The following RBMS3 variants were observed in gnomAD, a reference collection of about 807,000 sequenced individuals.
The protein encoded by RBMS3 is RNA binding motif single stranded interacting protein 3, also known as RNA-binding motif, single-stranded-interacting protein 3.
In RBMS3, 27 loss-of-function variants were observed where a neutral mutation model predicts 66.8. The observed-to-expected ratio is 0.40, with a 90% confidence interval of 0.30 to 0.56. RBMS3 has a LOEUF of 0.56. RBMS3 is among the 20% of genes least tolerant of loss of function. The probability of loss-of-function intolerance (pLI) is 0.40; values close to 1 mark genes in which losing one functional copy is unlikely to be tolerated. For synonymous variants in RBMS3, 188 were observed against 183.0 expected (o/e 1.03, Z -0.22); for missense variants, 513 against 549.5 (o/e 0.93, Z 0.66).
At chr3:29,596,958 A>G (rs1223268911) in intron 4 of RBMS3, among the ~76,000 whole-genome samples, 1 of 152,186 alleles carries the variant, frequency 6.6e-6, no homozygotes, top group East Asian at 1.9e-4. Flanking sequence ...TATCCTAATG[A>G]ATTATTCAGA....
intron 4 of RBMS3, among the ~76,000 whole-genome samples, chr3:29,668,506 A>G (rs1011081369): frequency 1.3e-5 from 2 of 151,662 alleles, no homozygotes; most frequent in African/African-American, 2.4e-5. Flanking sequence ...CAAATCTAGA[A>G]GCCAAGAAAA....
chr3:29,703,180 C>A (rs1037629145), intron 4 of RBMS3, among the ~76,000 whole-genome samples: 9 of 152,158 alleles, frequency 5.9e-5, no homozygotes, highest in Non-Finnish European at 1.2e-4. Context: ...ATTTCCGAAG[C>A]CATAGAACTA....
intron 6 of RBMS3, among the ~76,000 whole-genome samples, chr3:29,778,473 C>T (rs533524580): frequency 2.0e-4 from 30 of 151,086 alleles, no homozygotes; most frequent in Non-Finnish European, 3.3e-4. Context: ...TTACTATGTG[C>T]CAAATGTTGT....
intron 1 of RBMS3, among the ~76,000 whole-genome samples, chr3:29,373,756 G>C (rs1346151715): frequency 6.6e-6 from 1 of 152,198 alleles, no homozygotes; most frequent in Non-Finnish European, 1.5e-5. Flanking sequence ...CTGAGTGCCT[G>C]TTTGCAGGAA....
At chr3:29,902,291 AATT>A (rs973991832) in intron 10 of RBMS3, among the ~76,000 whole-genome samples, 1 of 151,904 alleles carries the variant, frequency 6.6e-6, no homozygotes, top group African/African-American at 2.4e-5. Context: ...GCACTCAATA[AATT>A]ATTATTATTT....
At chr3:29,358,993 G>A (rs565879457) in intron 1 of RBMS3, among the ~76,000 whole-genome samples, 9 of 152,096 alleles carry the variant, frequency 5.9e-5, no homozygotes, top group Non-Finnish European at 2.9e-5. Context: ...CATCTGCAAA[G>A]AGGGACAATT....
chr3:29,305,444 A>G (rs1295140527), intron 1 of RBMS3, among the ~76,000 whole-genome samples: 1 of 151,626 alleles, frequency 6.6e-6, no homozygotes, highest in African/African-American at 2.4e-5. Context: ...CTCAATACAT[A>G]CTCCTTGAGT....
rs116455157 is a variant in RBMS3 at position 29,467,756 on chromosome 3, A to G, written c.249-20685A>G. Among the ~76,000 whole-genome samples the G allele has an allele frequency of 3.7e-3, 560 of 152,316 alleles. 3 individuals are homozygous for G. The highest frequency in any genetic ancestry group is 0.013 in the African/African-American group (537 of 41,566). On this transcript the variant is annotated intron_variant, in intron 2 of 14. Coordinates refer to ENST00000383767, the MANE Select transcript of RBMS3 (RefSeq NM_001003793.3). Reference sequence around the variant, plus strand: ...TTTAGAGTAATCTAGTAGAAATAGGATATGTGCTATCAAGACTAAATCAAT... The same window carrying G: ...TTTAGAGTAATCTAGTAGAAATAGGGTATGTGCTATCAAGACTAAATCAAT...
intron 4 of RBMS3, among the ~76,000 whole-genome samples, chr3:29,693,744 A>T (rs1446741983): frequency 6.6e-6 from 1 of 152,196 alleles, no homozygotes. Flanking sequence ...TTGAGACCGA[A>T]GCTGTACATA....
chr3:29,601,189 A>T, intron 4 of RBMS3, among the ~76,000 whole-genome samples: 1 of 151,902 alleles, frequency 6.6e-6, no homozygotes, highest in South Asian at 2.1e-4. Flanking sequence ...ATAAGTACAT[A>T]TAAATATATG....
chr3:29,664,580 C>G (rs1220267324), intron 4 of RBMS3, among the ~76,000 whole-genome samples: 1 of 151,400 alleles, frequency 6.6e-6, no homozygotes, highest in Non-Finnish European at 1.5e-5. Context: ...TGGTAGATAG[C>G]CAGTCAAATG....
At chr3:29,300,369 G>A (rs886361289) in intron 1 of RBMS3, among the ~76,000 whole-genome samples, 2 of 151,968 alleles carry the variant, frequency 1.3e-5, no homozygotes, top group South Asian at 2.1e-4. Context: ...GCTTATTGTC[G>A]CACTGCTTTT....
intron 1 of RBMS3, among the ~76,000 whole-genome samples, chr3:29,323,983 A>T: frequency 1.0e-5 from 1 of 99,508 alleles, no homozygotes; most frequent in Admixed American, 1.2e-4. Flanking sequence ...ATTTTCTTGG[A>T]TTTGCCCACT....
intron 10 of RBMS3, among the ~76,000 whole-genome samples, chr3:29,910,614 C>A (rs1183079473): frequency 1.3e-5 from 2 of 151,964 alleles, no homozygotes; most frequent in Non-Finnish European, 2.9e-5. Context: ...CTAGTTATTT[C>A]TACCTAGGTG....
chr3:29,443,474 G>A (rs2041703734), intron 2 of RBMS3, among the ~76,000 whole-genome samples: 1 of 152,124 alleles, frequency 6.6e-6, no homozygotes, highest in African/African-American at 2.4e-5. Context: ...TGTAAGTAAT[G>A]ACTAGGAGGT....
chr3:29,907,233 C>G (rs1196265268), intron 10 of RBMS3, among the ~76,000 whole-genome samples: 1 of 152,106 alleles, frequency 6.6e-6, no homozygotes, highest in African/African-American at 2.4e-5. Context: ...ATTTTTGTAA[C>G]CAGCTATCTT....
At chr3:29,704,195 A>G (rs971843462) in intron 4 of RBMS3, among the ~76,000 whole-genome samples, 3 of 152,212 alleles carry the variant, frequency 2.0e-5, no homozygotes, top group African/African-American at 7.2e-5. Context: ...CGCTTGAATC[A>G]TCCCAAAACC....
At chr3:29,994,613 TCC>T (rs1431374948) in intron 14 of RBMS3, among the ~76,000 whole-genome samples, 4 of 152,100 alleles carry the variant, frequency 2.6e-5, no homozygotes, top group Admixed American at 1.3e-4. Flanking sequence ...CTCAAGTGGG[TCC>T]CTGACCCCCG....
At chr3:29,677,124 C>G (rs959330365) in intron 4 of RBMS3, among the ~76,000 whole-genome samples, 4 of 152,106 alleles carry the variant, frequency 2.6e-5, no homozygotes, top group Non-Finnish European at 4.4e-5. Context: ...AACTCACTCA[C>G]TATACAGTAC....
Sources: gnomAD v4.1 joint callset for allele counts (sites outside exome capture counted in the v4.1 genomes callset) on GRCh38, gnomAD v4.1.1 for gene constraint, MANE v1.5 for transcripts, NCBI Gene and HGNC (gene_info 2026-07-23, HGNC 2026-07-21) for gene names.